The following BMP6 variants were observed in gnomAD, a reference collection of about 807,000 sequenced individuals.
BMP6 encodes bone morphogenetic protein 6.
Under a neutral mutation model 54.1 loss-of-function variants are expected in BMP6, and 17 were observed. The observed-to-expected ratio is 0.31, with a 90% confidence interval of 0.22 to 0.47. The LOEUF (loss-of-function observed/expected upper bound fraction) is 0.47, where lower values mean the gene tolerates loss of function less well. Among genes scored for constraint, BMP6 ranks in the 20% least tolerant of loss-of-function variants. BMP6 has a pLI of 1.00. For missense variants in BMP6, 720 were observed against 690.4 expected (o/e 1.04, Z -0.48); for synonymous variants, 328 against 291.2 (o/e 1.13, Z -1.28).
intron 1 of BMP6, among the ~76,000 whole-genome samples, chr6:7,790,611 T>C (rs993337271): frequency 6.6e-6 from 1 of 151,498 alleles, no homozygotes; most frequent in Non-Finnish European, 1.5e-5. Context: ...TCAAGTAAGC[T>C]TCTCTGCCTC....
At chr6:7,786,753 T>C (rs1262749036) in intron 1 of BMP6, among the ~76,000 whole-genome samples, 2 of 152,182 alleles carry the variant, frequency 1.3e-5, no homozygotes, top group African/African-American at 2.4e-5. Context: ...ACTTGACTTA[T>C]AATGTATGTC....
chr6:7,742,307 G>A (rs1757278330), intron 1 of BMP6, among the ~76,000 whole-genome samples: 1 of 152,180 alleles, frequency 6.6e-6, no homozygotes, highest in African/African-American at 2.4e-5. Context: ...ATGCCGCTGA[G>A]TCTCAATTTA....
rs146140590 is a variant in BMP6 at position 7,804,725 on chromosome 6, C to G, written c.665-40415C>G. On this transcript the variant is annotated intron_variant, in intron 1 of 6. Coordinates refer to ENST00000283147, the MANE Select transcript of BMP6 (RefSeq NM_001718.6). ...GATAAAAATATGCTCGGTCCCTTCA[C>G]ATAGCTTCTATTCTAAACACAAGGA... 7.9e-5 allele frequency among the ~76,000 whole-genome samples: 12 copies of G among 152,320 alleles called. No homozygotes were observed. In the East Asian group the frequency reaches 2.1e-3, roughly 27 times the overall value.
At chr6:7,781,388 G>A (rs1757943346) in intron 1 of BMP6, among the ~76,000 whole-genome samples, 1 of 142,946 alleles carries the variant, frequency 7.0e-6, no homozygotes, top group Non-Finnish European at 1.6e-5. Flanking sequence ...GGGGATGTGG[G>A]CTGAGGCTTA....
intron 1 of BMP6, among the ~76,000 whole-genome samples, chr6:7,844,416 A>G (rs1317798127): frequency 6.7e-6 from 1 of 150,196 alleles, no homozygotes; most frequent in African/African-American, 2.5e-5. Context: ...TTCCTTCCAC[A>G]TCTTTGTGGC....
chr6:7,772,172 C>A (rs1338507545), intron 1 of BMP6, among the ~76,000 whole-genome samples: 1 of 152,168 alleles, frequency 6.6e-6, no homozygotes, highest in Non-Finnish European at 1.5e-5. Flanking sequence ...ATTTTACAGA[C>A]CACTCTGCTC....
intron 1 of BMP6, among the ~76,000 whole-genome samples, chr6:7,813,112 T>TAA (rs1561780034): frequency 4.9e-5 from 1 of 20,448 alleles, no homozygotes; most frequent in Non-Finnish European, 7.2e-5. Context: ...AAAAAAAATA[T>TAA]ATATATATAT....
chr6:7,839,206 C>T (rs1160735613), intron 1 of BMP6, among the ~76,000 whole-genome samples: 1 of 152,118 alleles, frequency 6.6e-6, no homozygotes, highest in African/African-American at 2.4e-5. Flanking sequence ...ACTCTGTTGC[C>T]CAGGCTGGAG....
At chr6:7,771,693 C>CAG (rs1160859) in intron 1 of BMP6, among the ~76,000 whole-genome samples, 110,053 of 151,802 alleles carry the variant, frequency 0.72, 41,272 homozygotes, top group Non-Finnish European at 0.84. Flanking sequence ...GGGTGTTACA[C>CAG]AGGGTGGTGC....
intron 1 of BMP6, among the ~76,000 whole-genome samples, chr6:7,735,077 A>T (rs1761932201): frequency 6.6e-6 from 1 of 152,204 alleles, no homozygotes; most frequent in African/African-American, 2.4e-5. Context: ...GGGGAAGTGG[A>T]GTGGAGTGGA....
intron 1 of BMP6, among the ~76,000 whole-genome samples, chr6:7,791,608 C>T (rs1214862309): frequency 1.3e-5 from 2 of 152,124 alleles, no homozygotes; most frequent in Non-Finnish European, 2.9e-5. Context: ...TTTTGACTCT[C>T]CTAATGGCGC....
intron 1 of BMP6, among the ~76,000 whole-genome samples, chr6:7,753,492 G>T (rs1178977699): frequency 1.3e-5 from 2 of 152,176 alleles, no homozygotes; most frequent in Non-Finnish European, 2.9e-5. Flanking sequence ...GCACAGTAAG[G>T]TTCGAGAAGC....
At chr6:7,838,530 C>T (rs2113245912) in intron 1 of BMP6, among the ~76,000 whole-genome samples, 1 of 152,322 alleles carries the variant, frequency 6.6e-6, no homozygotes, top group Admixed American at 6.5e-5. Flanking sequence ...TGTGTCTCTT[C>T]TTTTCCTATT....
chr6:7,747,641 C>A (rs1345050009), intron 1 of BMP6, among the ~76,000 whole-genome samples: 2 of 152,112 alleles, frequency 1.3e-5, no homozygotes, highest in East Asian at 3.9e-4. Flanking sequence ...CAGGGAGACC[C>A]CTGTTGGACA....
chr6:7,735,891 T>C (rs563673026), intron 1 of BMP6, among the ~76,000 whole-genome samples: 37 of 152,260 alleles, frequency 2.4e-4, no homozygotes, highest in Admixed American at 2.0e-3. Context: ...CTACAAATCC[T>C]CTGTGGAGAA....
rs201725226 is a variant in BMP6 at position 7,854,383 on chromosome 6, T to TA, written c.858-7068_858-7067insA. On this transcript the variant is annotated intron_variant, in intron 2 of 6. Coordinates refer to ENST00000283147, the MANE Select transcript of BMP6 (RefSeq NM_001718.6). ...AAAGATTACTTTGTAAAACATCTTT[T>TA]TAAAAAAAAAAAATCAATAGCACTT... Among the ~76,000 whole-genome samples the TA allele has an allele frequency of 3.1e-4, 47 of 151,992 alleles. No individual in the cohort carries two copies. In the East Asian group the frequency reaches 7.4e-3, roughly 24 times the overall value.
rs1387701695 is a variant in BMP6, at chr6:7,811,974, C to T, written c.665-33166C>T. ...TCTGCAAATAGTTAGAACAGGGTAG[C>T]GCCTCTGCTCATAGCTTTGTATCAA... On this transcript the variant is annotated intron_variant, in intron 1 of 6. Transcript: ENST00000283147. Among the ~76,000 whole-genome samples, 8 of 152,266 alleles carry T rather than the reference C, an allele frequency of 5.3e-5. No homozygotes were observed. In the South Asian group the frequency reaches 1.2e-3, roughly 24 times the overall value.
intron 1 of BMP6, among the ~76,000 whole-genome samples, chr6:7,773,195 G>A (rs1048112982): frequency 6.6e-6 from 1 of 152,120 alleles, no homozygotes; most frequent in African/African-American, 2.4e-5. Flanking sequence ...GCTCCCAAAT[G>A]GTGCACCTAA....
intron 2 of BMP6, among the ~76,000 whole-genome samples, chr6:7,860,015 A>G (rs1365828107): frequency 6.6e-6 from 1 of 152,220 alleles, no homozygotes; most frequent in Non-Finnish European, 1.5e-5. Flanking sequence ...TCATTCATTC[A>G]TCACAGGTCG....
Sources: allele counts gnomAD v4.1 joint callset (sites outside exome capture counted in the v4.1 genomes callset), GRCh38; gene constraint gnomAD v4.1.1; transcripts MANE v1.5; gene names NCBI Gene and HGNC (gene_info 2026-07-23, HGNC 2026-07-21).